Variants in RBFOX1 observed in about 807,000 individuals in gnomAD.
The protein encoded by RBFOX1 is RNA binding protein fox-1 homolog 1.
A neutral mutation model predicts 57.7 loss-of-function variants in RBFOX1; 8 were observed. That is an observed-to-expected ratio of 0.14 (90% CI 0.08 to 0.25). The LOEUF (loss-of-function observed/expected upper bound fraction) is 0.25. Ranked by LOEUF, RBFOX1 falls within the 10% of genes least tolerant of loss-of-function variation. The pLI is 1.00. For missense variants in RBFOX1, 611 were observed against 548.5 expected (o/e 1.11, Z -1.14); for synonymous variants, 326 against 222.4 (o/e 1.47, Z -4.15).
chr16:7,347,139 C>G (rs938663489), intron 4 of RBFOX1, among the ~76,000 whole-genome samples: 3 of 152,144 alleles, frequency 2.0e-5, no homozygotes, highest in Admixed American at 6.5e-5. Context: ...TTAGCAATAT[C>G]TGGACACATT....
intron 2 of RBFOX1, among the ~76,000 whole-genome samples, chr16:6,448,139 T>A (rs1280701125): frequency 7.3e-6 from 1 of 137,048 alleles, no homozygotes; most frequent in Non-Finnish European, 1.5e-5. Flanking sequence ...TTTTCTTTTT[T>A]TTCTTTTCTT....
chr16:7,016,715 C>CT lies in RBFOX1; in HGVS notation c.-15-35336dup, dbSNP rs2093933546. On this transcript the variant is annotated intron_variant, in intron 3 of 15. Coordinates refer to ENST00000550418, the MANE Select transcript of RBFOX1 (RefSeq NM_018723.4). Reference sequence around the variant, plus strand: ...GACTGATGCCTATTCCCGTATTTTTCTTTTTTCTAAAGTGGAGTTGATTAA... The same window carrying CT: ...GACTGATGCCTATTCCCGTATTTTTCTTTTTTTCTAAAGTGGAGTTGATTAA... Among the ~76,000 whole-genome samples, 3 of 152,174 alleles carry CT rather than the reference C, an allele frequency of 2.0e-5. No individual in the cohort carries two copies. The South Asian group carries it at 6.2e-4, about 31-fold the overall frequency.
At chr16:5,269,602 AT>A (rs1466983408) in intron 1 of RBFOX1, among the ~76,000 whole-genome samples, 1 of 152,244 alleles carries the variant, frequency 6.6e-6, no homozygotes, top group East Asian at 1.9e-4. Context: ...GAAAGATCAC[AT>A]TCTACATGAT....
At chr16:6,891,146 T>C (rs936232080) in intron 3 of RBFOX1, among the ~76,000 whole-genome samples, 1 of 152,236 alleles carries the variant, frequency 6.6e-6, no homozygotes, top group African/African-American at 2.4e-5. Context: ...AGCCTACTCA[T>C]GTCTTCCATT....
intron 2 of RBFOX1, among the ~76,000 whole-genome samples, chr16:6,401,471 C>G (rs1327135579): frequency 2.6e-5 from 4 of 152,168 alleles, no homozygotes; most frequent in African/African-American, 4.8e-5. Context: ...GGACTGTGAT[C>G]ATTTTAAAAC....
chr16:5,855,807 G>C (rs1011462819), intron 3 of RBFOX1, among the ~76,000 whole-genome samples: 1 of 151,760 alleles, frequency 6.6e-6, no homozygotes, highest in Non-Finnish European at 1.5e-5. Flanking sequence ...AGATCACTTT[G>C]GGTTGTATGG....
At chr16:7,400,133 G>A (rs1394364242) in intron 4 of RBFOX1, among the ~76,000 whole-genome samples, 1 of 152,090 alleles carries the variant, frequency 6.6e-6, no homozygotes, top group East Asian at 1.9e-4. Flanking sequence ...TCCTAATCCG[G>A]AATTTTCTGA....
upstream of RBFOX1, among the ~76,000 whole-genome samples, chr16:6,014,401 A>C (rs1264759333): frequency 6.6e-6 from 1 of 152,206 alleles, no homozygotes. Flanking sequence ...AGAGTGCAAA[A>C]GTTGCTGTCT....
At chr16:5,250,368 C>T (rs561699937) in intron 1 of RBFOX1, among the ~76,000 whole-genome samples, 1 of 152,204 alleles carries the variant, frequency 6.6e-6, no homozygotes, top group South Asian at 2.1e-4. Context: ...AACCCATCAT[C>T]TAGGTTTTAA....
chr16:6,421,638 G>A (rs188757172), intron 2 of RBFOX1, among the ~76,000 whole-genome samples: 104 of 152,252 alleles, frequency 6.8e-4, no homozygotes, highest in African/African-American at 2.3e-3. Flanking sequence ...GCGTCACCAC[G>A]AATGACACTG....
At chr16:6,844,606 G>A (rs750572666) in intron 3 of RBFOX1, among the ~76,000 whole-genome samples, 1 of 151,952 alleles carries the variant, frequency 6.6e-6, no homozygotes, top group Non-Finnish European at 1.5e-5. Flanking sequence ...TTTAGGTTGA[G>A]TCCTTGTCTT....
chr16:6,698,120 C>G (rs980996742), intron 3 of RBFOX1, among the ~76,000 whole-genome samples: 2 of 152,156 alleles, frequency 1.3e-5, no homozygotes, highest in African/African-American at 2.4e-5. Flanking sequence ...CATTTTGTTA[C>G]TCATGAATTA....
chr16:6,965,528 G>A (rs868217436), intron 3 of RBFOX1, among the ~76,000 whole-genome samples: 16 of 152,202 alleles, frequency 1.1e-4, no homozygotes, highest in Middle Eastern at 6.8e-3. Flanking sequence ...GTAGAGGCAG[G>A]GTTTCACCAT....
rs140113159 is a variant in RBFOX1 at position 5,514,380 on chromosome 16, G to C, written c.258+47126G>C. On this transcript the variant is annotated intron_variant, in intron 2 of 2. Transcript: ENST00000585867. The stretch of plus-strand genomic sequence containing the variant: ...GAAGAGTGAGAAAGGAAGTAGCAAG[G>C]TGTAAAGTTTGGAGGTCTTGGCTCA... Among the ~76,000 whole-genome samples, 1,138 of 152,308 alleles carry C rather than the reference G, an allele frequency of 7.5e-3. 9 individuals are homozygous for C. Among genetic ancestry groups the C allele is most frequent in the Admixed American group, 0.014 (217 of 15,294 alleles).
intron 3 of RBFOX1, among the ~76,000 whole-genome samples, chr16:6,959,479 C>T (rs954067624): frequency 6.6e-6 from 1 of 152,066 alleles, no homozygotes; most frequent in Admixed American, 6.6e-5. Context: ...GGCCTGATCT[C>T]AAGGGAGTAT....
At chr16:6,602,533 T>G (rs1242437683) in intron 2 of RBFOX1, among the ~76,000 whole-genome samples, 1 of 152,078 alleles carries the variant, frequency 6.6e-6, no homozygotes, top group East Asian at 1.9e-4. Flanking sequence ...GGTCTTGATG[T>G]TCTTACAGAA....
chr16:6,393,021 G>A (rs1299938204), intron 2 of RBFOX1, among the ~76,000 whole-genome samples: 4 of 152,206 alleles, frequency 2.6e-5, no homozygotes, highest in Non-Finnish European at 1.5e-5. Flanking sequence ...GTGTCTTTAA[G>A]GGAGGTTGAA....
intron 2 of RBFOX1, among the ~76,000 whole-genome samples, chr16:5,498,211 C>T (rs1021295723): frequency 6.6e-6 from 1 of 152,102 alleles, no homozygotes; most frequent in Non-Finnish European, 1.5e-5. Context: ...GGCGGGATCT[C>T]GGCCCACTGC....
chr16:7,247,650 A>G (rs949818609), intron 4 of RBFOX1, among the ~76,000 whole-genome samples: 12 of 152,260 alleles, frequency 7.9e-5, no homozygotes, highest in Non-Finnish European at 1.6e-4. Context: ...TTAAGAATAC[A>G]TTAGTGACTG....
Sources: allele counts gnomAD v4.1 joint callset (sites outside exome capture counted in the v4.1 genomes callset), GRCh38; gene constraint gnomAD v4.1.1; transcripts MANE v1.5; gene names NCBI Gene and HGNC (gene_info 2026-07-23, HGNC 2026-07-21).